The following SERPINE2 variants were observed in gnomAD, a reference collection of about 807,000 sequenced individuals.
SERPINE2 encodes the protein serpin family E member 2, also known as glia-derived nexin.
SERPINE2 carries 14 observed loss-of-function variants against 36.3 expected under a neutral mutation model. The ratio of observed to expected loss-of-function variants is 0.39; its 90% CI spans 0.25 to 0.60. The LOEUF (loss-of-function observed/expected upper bound fraction) is 0.60, where lower values mean the gene tolerates loss of function less well. Among genes scored for constraint, SERPINE2 ranks in the 20% least tolerant of loss-of-function variants. The probability of loss-of-function intolerance (pLI) is 0.57; values close to 1 mark genes in which losing one functional copy is unlikely to be tolerated. For synonymous variants in SERPINE2, 192 were observed against 191.8 expected (o/e 1.00, Z -0.01); for missense variants, 418 against 499.6 (o/e 0.84, Z 1.56).
At chr2:224,002,429 T>C (rs1238512981) in intron 1 of SERPINE2, among the ~76,000 whole-genome samples, 2 of 152,172 alleles carry the variant, frequency 1.3e-5, no homozygotes, top group African/African-American at 4.8e-5. Flanking sequence ...AACTTCCATC[T>C]CTTGGGTCCT....
intron 7 of SERPINE2, chr2:223,979,802 T>C (rs1690154455): frequency 1.3e-5 from 2 of 152,726 alleles, no homozygotes; most frequent in Admixed American, 6.5e-5. Flanking sequence ...TGTTCAAATC[T>C]GAAGATTGGT....
chr2:223,977,744 A>G (rs1690066863), intron 7 of SERPINE2, 117 bp from the exon 8 acceptor site: 1 of 710,948 alleles, frequency 1.4e-6, no homozygotes. Context: ...GACACACTTC[A>G]TGCTTGTTCC....
At position 223,993,881 on chromosome 2, in the gene SERPINE2, C is replaced by G. The variant is rs369113715; in HGVS notation, c.488-1881G>C. ...ATCTAAGCCATAAACAGACATCATT[C>G]AACTCAACACAAAGCTGGCTGCAAA... is the stretch of plus-strand genomic sequence containing the variant. On this transcript the variant is annotated intron_variant, in intron 3 of 8. Transcript: ENST00000409304. Among the ~76,000 whole-genome samples the G allele has an allele frequency of 5.3e-5, 8 of 152,170 alleles. No individual in the cohort carries two copies. The East Asian group carries it at 1.4e-3, about 26-fold the overall frequency.
intron 1 of SERPINE2, among the ~76,000 whole-genome samples, chr2:224,036,620 C>G (rs1477411116): frequency 7.1e-6 from 1 of 141,700 alleles, no homozygotes; most frequent in East Asian, 2.0e-4. Flanking sequence ...TACCCCAGAG[C>G]TTAAAGCATA....
rs1255742338 is a variant in SERPINE2 at position 224,039,285 on chromosome 2, G to C, written c.-209C>G. Reference sequence around the variant, plus strand: ...CGCGCAGCCCGGGCAGCCCCACAGCGCAAGCTGGCTGCCGCGGCGGCGGGG... The same window carrying C: ...CGCGCAGCCCGGGCAGCCCCACAGCCCAAGCTGGCTGCCGCGGCGGCGGGG... On this transcript the variant is annotated 5_prime_UTR_variant, in exon 1 of 9. Transcript: ENST00000409304. This position sits in a 1 kb window ranked among gnomAD's most constrained non-coding sequence, Gnocchi z 5.2. 6.7e-6 allele frequency: 1 copy of C among 150,342 alleles called. No homozygotes were observed. The highest frequency in any genetic ancestry group is 2.4e-5 in the African/African-American group (1 of 41,222). The allele number at this position is 150,342 out of a possible 1,614,324, so 9.3% of individuals were successfully genotyped here.
intron 1 of SERPINE2, among the ~76,000 whole-genome samples, chr2:224,009,969 A>G (rs924552790): frequency 6.6e-6 from 1 of 152,200 alleles, no homozygotes; most frequent in African/African-American, 2.4e-5. Context: ...TCTGTCTCTC[A>G]AATCTGTATA....
chr2:224,017,815 C>T (rs911073978), intron 1 of SERPINE2, among the ~76,000 whole-genome samples: 6 of 152,208 alleles, frequency 3.9e-5, no homozygotes, highest in Admixed American at 6.5e-5. Context: ...TGCTGTTACC[C>T]CATTTACCAC....
At chr2:224,022,824 A>AGCCC (rs1692051440) in intron 1 of SERPINE2, among the ~76,000 whole-genome samples, 1 of 152,226 alleles carries the variant, frequency 6.6e-6, no homozygotes, top group South Asian at 2.1e-4. Context: ...TGCCAAGGGC[A>AGCCC]GGACCAGGTG....
rs1184502022 is a variant in SERPINE2 at position 223,975,861 on chromosome 2, T to C, written c.*6A>G. The C allele has an allele frequency of 3.2e-6, 5 of 1,581,116 alleles. No homozygotes were observed. Among genetic ancestry groups the C allele is most frequent in the Non-Finnish European group, 4.3e-6 (5 of 1,158,880 alleles). ...GTTGCTTTGCATGGTTTCTTTTGTA[T>C]ACTCTTCAGGGTTTGTTTATCTGCC... On this transcript the variant is annotated 3_prime_UTR_variant, in exon 9 of 9. Coordinates refer to ENST00000409304, the MANE Select transcript of SERPINE2 (RefSeq NM_001136528.2).
intron 5 of SERPINE2, 133 bp from the exon 6 acceptor site, chr2:223,982,914 T>TG: frequency 1.6e-6 from 1 of 608,034 alleles, no homozygotes; most frequent in Non-Finnish European, 2.7e-6. Context: ...ATCTTAAATT[T>TG]GAATTCCAAA....
intron 1 of SERPINE2, among the ~76,000 whole-genome samples, chr2:224,027,311 G>A (rs1245165591): frequency 6.6e-6 from 1 of 152,194 alleles, no homozygotes; most frequent in Non-Finnish European, 1.5e-5. Context: ...ACGTGGTGAG[G>A]CAATGCACAG....
At chr2:224,027,588 G>A (rs951994399) in intron 1 of SERPINE2, among the ~76,000 whole-genome samples, 1 of 152,102 alleles carries the variant, frequency 6.6e-6, no homozygotes, top group Admixed American at 6.6e-5. Flanking sequence ...GGTTGGGTCT[G>A]GTGGAGGAAT....
At chr2:224,033,505 T>A (rs551675692) in intron 1 of SERPINE2, among the ~76,000 whole-genome samples, 1 of 152,128 alleles carries the variant, frequency 6.6e-6, no homozygotes, top group African/African-American at 2.4e-5. Flanking sequence ...TAAGACACCT[T>A]TTAGATCATT....
intron 4 of SERPINE2, 88 bp downstream of exon 4, chr2:223,991,715 A>T: frequency 1.5e-6 from 2 of 1,338,750 alleles, no homozygotes; most frequent in Non-Finnish European, 2.1e-6. Flanking sequence ...ATGAAAAGTT[A>T]GATTTGCTCT....
intron 1 of SERPINE2, chr2:224,038,397 A>G (rs1339901781): frequency 3.8e-6 from 4 of 1,042,388 alleles, no homozygotes; most frequent in Non-Finnish European, 5.9e-6. Flanking sequence ...GTGCTGTCTT[A>G]TGTAATAGAA....
chr2:224,020,285 G>A (rs2083121), intron 1 of SERPINE2, among the ~76,000 whole-genome samples: 143,779 of 152,212 alleles, frequency 0.94, 68,266 homozygotes, highest in Non-Finnish European at 0.99. Flanking sequence ...ATGGTACGAA[G>A]AATAGAAAGA....
At chr2:224,010,459 C>T in intron 1 of SERPINE2, 2 of 734,302 alleles carry the variant, frequency 2.7e-6, no homozygotes, top group Non-Finnish European at 3.3e-6. Flanking sequence ...ATATATTATC[C>T]ATTCTGAAAT....
chr2:224,026,371 C>CT (rs1472947928), intron 1 of SERPINE2, among the ~76,000 whole-genome samples: 1 of 152,210 alleles, frequency 6.6e-6, no homozygotes, highest in Admixed American at 6.5e-5. Context: ...ACCTCAAGAA[C>CT]AAGTACTAAA....
At chr2:224,027,007 G>A (rs896472594) in intron 1 of SERPINE2, among the ~76,000 whole-genome samples, 2 of 152,186 alleles carry the variant, frequency 1.3e-5, no homozygotes, top group African/African-American at 2.4e-5. Flanking sequence ...GGATTTAGTG[G>A]AGAGTCAAGT....
Sources: gnomAD v4.1 joint callset for allele counts (sites outside exome capture counted in the v4.1 genomes callset) on GRCh38, gnomAD v4.1.1 for gene constraint, Gnocchi (gnomAD v3.1) non-coding constraint, MANE v1.5 for transcripts, NCBI Gene and HGNC (gene_info 2026-07-23, HGNC 2026-07-21) for gene names.